Variants in NRXN1 observed in about 807,000 individuals in gnomAD.
NRXN1 encodes the protein neurexin 1.
In NRXN1, 39 loss-of-function variants were observed where a neutral mutation model predicts 150.9. The observed-to-expected ratio is 0.26, with a 90% CI of 0.20 to 0.34. NRXN1 has a LOEUF of 0.34. NRXN1 is among the 10% of genes least tolerant of loss of function. The pLI, the probability that NRXN1 is intolerant of heterozygous loss-of-function variation, is 1.00. For synonymous variants in NRXN1, 924 were observed against 757.0 expected, an observed-to-expected ratio of 1.22 and a Z score of -3.62; for missense variants, 1,815 against 1,949.9, an observed-to-expected ratio of 0.93 and a Z score of 1.30.
intron 8 of NRXN1, among the ~76,000 whole-genome samples, chr2:50,607,386 T>C (rs1046226265): frequency 2.6e-5 from 4 of 152,170 alleles, no homozygotes; most frequent in Non-Finnish European, 5.9e-5. Context: ...TGGGTGCCTC[T>C]AAGGGACTCT....
chr2:50,854,969 A>G (rs752259111), intron 5 of NRXN1, among the ~76,000 whole-genome samples: 1 of 152,012 alleles, frequency 6.6e-6, no homozygotes, highest in African/African-American at 2.4e-5. Context: ...CTCACTCCAG[A>G]TATTTGAATT....
chr2:50,354,126 T>TA (rs1410046513), intron 17 of NRXN1, among the ~76,000 whole-genome samples: 2 of 152,186 alleles, frequency 1.3e-5, no homozygotes, highest in Admixed American at 1.3e-4. Context: ...GCATAGATCA[T>TA]AGTGCTGTTC....
chr2:50,199,473 A>T (rs1461157013), intron 18 of NRXN1, among the ~76,000 whole-genome samples: 1 of 152,098 alleles, frequency 6.6e-6, no homozygotes, highest in Middle Eastern at 3.2e-3. Flanking sequence ...TAAAACAAAT[A>T]TAAGAAGAAA....
chr2:50,494,707 C>T (rs1449332868), intron 15 of NRXN1, among the ~76,000 whole-genome samples: 1 of 152,120 alleles, frequency 6.6e-6, no homozygotes, highest in Non-Finnish European at 1.5e-5. Context: ...TCTCCTTTCA[C>T]CTTGTTTAGA....
At chr2:49,984,548 C>T (rs1295123777) in intron 21 of NRXN1, among the ~76,000 whole-genome samples, 1 of 152,068 alleles carries the variant, frequency 6.6e-6, no homozygotes, top group Non-Finnish European at 1.5e-5. Flanking sequence ...GGGCTCCTTT[C>T]TCTCCTCTTT....
intron 17 of NRXN1, among the ~76,000 whole-genome samples, chr2:50,360,078 G>A (rs561036646): frequency 2.0e-5 from 3 of 152,242 alleles, no homozygotes; most frequent in Admixed American, 2.0e-4. Context: ...GTCACCACCA[G>A]GCCTGCCTTA....
intron 5 of NRXN1, among the ~76,000 whole-genome samples, chr2:50,702,113 A>G (rs1019730414): frequency 8.5e-5 from 13 of 152,148 alleles, no homozygotes; most frequent in African/African-American, 3.1e-4. Context: ...GAAAAAATAA[A>G]AGCATTACAT....
At chr2:50,294,475 A>T (rs2073326914) in intron 17 of NRXN1, among the ~76,000 whole-genome samples, 1 of 152,328 alleles carries the variant, frequency 6.6e-6, no homozygotes, top group East Asian at 1.9e-4. Flanking sequence ...TGTGTTTATT[A>T]AAAAAGCATT....
intron 17 of NRXN1, among the ~76,000 whole-genome samples, chr2:50,454,060 G>GTTAT (rs2087268184): frequency 6.6e-6 from 1 of 152,100 alleles, no homozygotes; most frequent in Admixed American, 6.6e-5. Context: ...AGGTGAGGTG[G>GTTAT]CTCACGCCTG....
chr2:50,843,837 C>G (rs1673225827), intron 5 of NRXN1, among the ~76,000 whole-genome samples: 1 of 152,112 alleles, frequency 6.6e-6, no homozygotes, highest in African/African-American at 2.4e-5. Context: ...TCTCTGAACC[C>G]CTTCCCTCAA....
intron 18 of NRXN1, among the ~76,000 whole-genome samples, chr2:50,221,391 T>C (rs1444417908): frequency 1.3e-5 from 2 of 152,012 alleles, no homozygotes; most frequent in African/African-American, 4.8e-5. Context: ...GAATATAATA[T>C]AGACAGCCAC....
At chr2:50,002,002 G>C (rs541413238) in intron 21 of NRXN1, among the ~76,000 whole-genome samples, 2 of 152,100 alleles carry the variant, frequency 1.3e-5, no homozygotes, top group East Asian at 2.0e-4. Flanking sequence ...CAGCCTCTAA[G>C]AGTTGAGGGC....
intron 21 of NRXN1, among the ~76,000 whole-genome samples, chr2:49,944,231 G>A (rs1349221326): frequency 2.0e-5 from 3 of 152,198 alleles, no homozygotes; most frequent in Non-Finnish European, 4.4e-5. Flanking sequence ...ACTATGTAGA[G>A]TTTGATGAAT....
At chr2:50,809,092 G>A (rs1039959537) in intron 5 of NRXN1, among the ~76,000 whole-genome samples, 1 of 152,118 alleles carries the variant, frequency 6.6e-6, no homozygotes, top group Non-Finnish European at 1.5e-5. Flanking sequence ...AGTGTTTACA[G>A]ATTAAGAATC....
intron 5 of NRXN1, among the ~76,000 whole-genome samples, chr2:50,793,559 T>C (rs1039874549): frequency 6.6e-6 from 1 of 152,118 alleles, no homozygotes. Flanking sequence ...TTTATTATCA[T>C]GGGAATTAAC....
chr2:50,852,380 A>G (rs1037762116), intron 5 of NRXN1, among the ~76,000 whole-genome samples: 1 of 152,214 alleles, frequency 6.6e-6, no homozygotes, highest in Non-Finnish European at 1.5e-5. Flanking sequence ...GGAGCCTTGA[A>G]TGTCCCTCTT....
chr2:50,007,162 G>A (rs1684906487), intron 21 of NRXN1, among the ~76,000 whole-genome samples: 1 of 151,550 alleles, frequency 6.6e-6, no homozygotes, highest in South Asian at 2.1e-4. Context: ...GGATAACAAA[G>A]CGAGACCTTG....
intron 8 of NRXN1, among the ~76,000 whole-genome samples, chr2:50,556,048 C>T (rs764408134): frequency 5.3e-5 from 8 of 152,158 alleles, no homozygotes; most frequent in Non-Finnish European, 1.2e-4. Flanking sequence ...AGAAGAAGCA[C>T]ACTATGTATT....
At chr2:50,958,781 C>T (rs1057156055) in intron 2 of NRXN1, among the ~76,000 whole-genome samples, 6 of 152,050 alleles carry the variant, frequency 3.9e-5, no homozygotes, top group Admixed American at 2.0e-4. Context: ...TCTGATTTAA[C>T]GGGAATGCAG....
Sources: gnomAD v4.1 joint callset for allele counts (sites outside exome capture counted in the v4.1 genomes callset) on GRCh38, gnomAD v4.1.1 for gene constraint, MANE v1.5 for transcripts, NCBI Gene and HGNC (gene_info 2026-07-23, HGNC 2026-07-21) for gene names.